STIM1: variants seen among roughly 807,000 people sequenced by gnomAD.
The protein encoded by STIM1 is stromal interaction molecule 1.
STIM1 carries 25 observed loss-of-function variants against 74.7 expected under a neutral mutation model. The ratio of observed to expected loss-of-function variants is 0.33; its 90% CI spans 0.24 to 0.47. The LOEUF (loss-of-function observed/expected upper bound fraction) is 0.47, where lower values mean the gene tolerates loss of function less well. STIM1 is among the 20% of genes least tolerant of loss of function. STIM1 has a pLI of 1.00. For missense variants in STIM1, 728 were observed against 920.8 expected (o/e 0.79, Z 2.71); for synonymous variants, 328 against 348.8 (o/e 0.94, Z 0.66).
intron 1 of STIM1, among the ~76,000 whole-genome samples, chr11:3,871,627 C>T (rs1451240955): frequency 6.6e-6 from 1 of 152,134 alleles, no homozygotes; most frequent in Non-Finnish European, 1.5e-5. Flanking sequence ...GTCTTAATGC[C>T]TTTTCTTTCC....
chr11:3,961,396 G>T, intron 1 of STIM1: 1 of 241,272 alleles, frequency 4.1e-6, no homozygotes, highest in Non-Finnish European at 8.7e-6. Flanking sequence ...TATAACTGGG[G>T]ACATTAATAT....
At chr11:4,089,988 G>C (rs2094514365) in intron 12 of STIM1, among the ~76,000 whole-genome samples, 1 of 152,144 alleles carries the variant, frequency 6.6e-6, no homozygotes, top group Admixed American at 6.5e-5. Flanking sequence ...GTGGCATCTG[G>C]AATTGATTCA....
intron 6 of STIM1, 66 bp from the exon 7 acceptor site, chr11:4,074,436 A>C (rs2094424975): frequency 6.3e-7 from 1 of 1,583,268 alleles, no homozygotes; most frequent in Non-Finnish European, 8.7e-7. Flanking sequence ...TGATGCCATG[A>C]CTCATGGCAT....
At chr11:3,929,239 A>G (rs1330085715) in intron 1 of STIM1, among the ~76,000 whole-genome samples, 1 of 152,076 alleles carries the variant, frequency 6.6e-6, no homozygotes, top group East Asian at 1.9e-4. Context: ...GTCCTTTTTT[A>G]CTTCCTTTTT....
intron 5 of STIM1, among the ~76,000 whole-genome samples, chr11:4,067,701 G>A (rs2094377266): frequency 6.6e-6 from 1 of 152,204 alleles, no homozygotes; most frequent in South Asian, 2.1e-4. Flanking sequence ...CCTATCTTAT[G>A]TAGTAGTTGT....
At chr11:4,070,918 G>GGA (rs386362183) in intron 6 of STIM1, among the ~76,000 whole-genome samples, 6 of 976 alleles carry the variant, frequency 6.1e-3, no homozygotes, top group African/African-American at 0.05. Context: ...CTGGTCCTGA[G>GGA]AAAAAAAACT....
intron 2 of STIM1, among the ~76,000 whole-genome samples, chr11:4,013,868 C>A (rs972026108): frequency 1.3e-5 from 2 of 151,708 alleles, no homozygotes; most frequent in African/African-American, 4.8e-5. Context: ...CCATGCCTGG[C>A]TAATTTTTTT....
chr11:3,953,780 C>CTTT lies in STIM1; in HGVS notation c.140-13771_140-13769dup, dbSNP rs201952182. ...TCGGTATTGACTTCTTGATCTTCTT[C>CTTT]TTTCTTTTTTTTTTTTTTTTGAGAC... On this transcript the variant is annotated intron_variant, in intron 1 of 12. Transcript: ENST00000526596. Among the ~76,000 whole-genome samples the CTTT allele has an allele frequency of 7.7e-3, 1,008 of 131,000 alleles. 85 individuals carry two copies. Among genetic ancestry groups the CTTT allele is most frequent in the South Asian group, 0.012 (45 of 3,774 alleles). The allele number at this position is 131,000 out of a possible 152,430, so 85.9% of individuals were successfully genotyped here.
At chr11:3,887,874 A>G (rs1224353002) in intron 1 of STIM1, among the ~76,000 whole-genome samples, 1 of 151,670 alleles carries the variant, frequency 6.6e-6, no homozygotes, top group Non-Finnish European at 1.5e-5. Context: ...AGGCTGAGGC[A>G]GGAGAATCGC....
intron 6 of STIM1, among the ~76,000 whole-genome samples, chr11:4,071,110 T>G (rs879709719): frequency 6.6e-6 from 1 of 152,168 alleles, no homozygotes; most frequent in South Asian, 2.1e-4. Context: ...GTTGAGTGTA[T>G]AGGGTGGGGT....
chr11:3,894,192 G>A (rs2091985262), intron 1 of STIM1, among the ~76,000 whole-genome samples: 1 of 152,154 alleles, frequency 6.6e-6, no homozygotes, highest in Non-Finnish European at 1.5e-5. Flanking sequence ...ACTATGAAGT[G>A]GGGACAGTGA....
At chr11:3,857,096 GTTTTTTTTTTTGTT>G (rs1469948136) in intron 1 of STIM1, among the ~76,000 whole-genome samples, 25 of 78,020 alleles carry the variant, frequency 3.2e-4, no homozygotes, top group African/African-American at 7.6e-4. Flanking sequence ...CATGCTACAG[GTTTTTTTTTTTGTT>G]TTTTTTTTTT....
chr11:3,917,009 C>T (rs996478527), intron 1 of STIM1, among the ~76,000 whole-genome samples: 4 of 152,228 alleles, frequency 2.6e-5, no homozygotes, highest in East Asian at 1.9e-4. Flanking sequence ...TCCTCCTCCT[C>T]GGATCTGATC....
At chr11:3,992,372 C>A (rs2093625153) in intron 2 of STIM1, among the ~76,000 whole-genome samples, 1 of 151,834 alleles carries the variant, frequency 6.6e-6, no homozygotes, top group Non-Finnish European at 1.5e-5. Context: ...CGAGATTGGG[C>A]CACTGCACTT....
At chr11:3,906,839 TA>T (rs1391607940) in intron 1 of STIM1, among the ~76,000 whole-genome samples, 1 of 152,198 alleles carries the variant, frequency 6.6e-6, no homozygotes, top group African/African-American at 2.4e-5. Context: ...ATCGATAAGA[TA>T]ACAATCTTTT....
intron 1 of STIM1, among the ~76,000 whole-genome samples, chr11:3,889,143 G>C (rs1294624758): frequency 1.3e-5 from 2 of 148,378 alleles, no homozygotes; most frequent in Non-Finnish European, 3.0e-5. Context: ...GGCAACAGCA[G>C]TCATCATACT....
chr11:4,083,111 CTTTA>C, intron 9 of STIM1, 129 bp downstream of exon 9: 1 of 1,171,798 alleles, frequency 8.5e-7, no homozygotes, highest in East Asian at 2.4e-5. Context: ...CTGCCTCAGC[CTTTA>C]TTTATCTCCT....
At chr11:4,032,861 T>G (rs1340289414) in intron 3 of STIM1, among the ~76,000 whole-genome samples, 1 of 152,220 alleles carries the variant, frequency 6.6e-6, no homozygotes, top group East Asian at 1.9e-4. Flanking sequence ...AATTTCTGAT[T>G]GTTGCTTATA....
chr11:4,013,773 T>C (rs1399271707), intron 2 of STIM1, among the ~76,000 whole-genome samples: 1 of 145,180 alleles, frequency 6.9e-6, no homozygotes, highest in Admixed American at 7.1e-5. Context: ...GGCATGATCT[T>C]GGCTCACTGC....
Sources: gnomAD v4.1 joint callset for allele counts (sites outside exome capture counted in the v4.1 genomes callset) on GRCh38, gnomAD v4.1.1 for gene constraint, MANE v1.5 for transcripts, NCBI Gene and HGNC (gene_info 2026-07-23, HGNC 2026-07-21) for gene names.